The following HOMER1 variants were observed in gnomAD, a reference collection of about 807,000 sequenced individuals.
HOMER1 encodes homer scaffold protein 1.
HOMER1 carries 3 observed loss-of-function variants against 48.9 expected under a neutral mutation model. That is an observed-to-expected ratio of 0.06 (90% CI 0.03 to 0.16). HOMER1 has a LOEUF of 0.16. Ranked by LOEUF, HOMER1 falls within the 10% of genes least tolerant of loss-of-function variation. The probability of loss-of-function intolerance (pLI) is 1.00; values close to 1 mark genes in which losing one functional copy is unlikely to be tolerated. For synonymous variants in HOMER1, 134 were observed against 146.4 expected, an observed-to-expected ratio of 0.92 and a Z score of 0.61; for missense variants, 247 against 411.4, an observed-to-expected ratio of 0.60 and a Z score of 3.46.
Position 79,483,795 on chromosome 5 carries a change from C to T in HOMER1, c.6-26777G>A, listed in dbSNP as rs555609875. Among the ~76,000 whole-genome samples, 17 of 149,074 alleles carry T rather than the reference C, an allele frequency of 1.1e-4. No individual in the cohort carries two copies. The East Asian group carries it at 3.3e-3, about 29-fold the overall frequency. Reference sequence around the variant, plus strand: ...AGTGGCCGGGTGTGGTGGCTCACGCCGGTAATCCCAGCACTTTGGGAGGCC... The same window carrying T: ...AGTGGCCGGGTGTGGTGGCTCACGCTGGTAATCCCAGCACTTTGGGAGGCC... On this transcript the variant is annotated intron_variant, in intron 1 of 8. Coordinates refer to ENST00000334082, the MANE Select transcript of HOMER1 (RefSeq NM_004272.5).
intron 5 of HOMER1, among the ~76,000 whole-genome samples, chr5:79,430,078 T>C: frequency 6.8e-6 from 1 of 146,312 alleles, no homozygotes; most frequent in East Asian, 2.0e-4. Flanking sequence ...AAAAAAATAG[T>C]GAAAACACAA....
At chr5:79,450,931 A>G (rs941040306) in intron 3 of HOMER1, 59 bp downstream of exon 3, 5 of 1,521,620 alleles carry the variant, frequency 3.3e-6, no homozygotes, top group African/African-American at 1.4e-5. Flanking sequence ...GGTATTATAT[A>G]TTTAAGATAT....
At chr5:79,417,525 G>A (rs539759142) in intron 5 of HOMER1, among the ~76,000 whole-genome samples, 1 of 152,282 alleles carries the variant, frequency 6.6e-6, no homozygotes, top group East Asian at 1.9e-4. Flanking sequence ...CTATTCCACA[G>A]TGGGATGTCT....
At chr5:79,377,006 C>T (rs1007696923) in intron 8 of HOMER1, among the ~76,000 whole-genome samples, 1 of 152,054 alleles carries the variant, frequency 6.6e-6, no homozygotes, top group Non-Finnish European at 1.5e-5. Flanking sequence ...CACTCTGTCC[C>T]CCAGGATGGA....
chr5:79,473,080 C>A (rs546145658), intron 1 of HOMER1, among the ~76,000 whole-genome samples: 17 of 152,300 alleles, frequency 1.1e-4, no homozygotes, highest in Admixed American at 1.0e-3. Context: ...GGAAGCCAAT[C>A]ATCTAAAGCT....
chr5:79,466,793 T>C (rs73122380), intron 1 of HOMER1, among the ~76,000 whole-genome samples: 10,447 of 152,054 alleles, frequency 0.069, 412 homozygotes, highest in Middle Eastern at 0.11. Flanking sequence ...ATCCAGTTCT[T>C]AAAAACTATT....
rs935558317 is a variant in HOMER1, at chr5:79,514,064, CGGCT to C, written c.-1294_-1291del. The C allele has an allele frequency of 1.3e-5, 2 of 152,286 alleles. No homozygotes were observed. Among genetic ancestry groups the C allele is most frequent in the South Asian group, 2.0e-4 (1 of 4,910 alleles). 9.4% of individuals were successfully genotyped at this position (152,286 alleles called of 1,614,324 possible). ...GCTGCCTCCGCCTCCGCCGGCCGGC[CGGCT>C]GGCAGAGAAGAGGGTGCTGCTTTCC... On this transcript the variant is annotated 5_prime_UTR_variant, in exon 1 of 9. Transcript: ENST00000334082.
chr5:79,476,183 C>T (rs142114580), intron 1 of HOMER1, among the ~76,000 whole-genome samples: 1 of 152,190 alleles, frequency 6.6e-6, no homozygotes, highest in South Asian at 2.1e-4. Context: ...CTCCTTTCCA[C>T]ATCTCTTCCA....
At chr5:79,475,442 T>TC (rs543575921) in intron 1 of HOMER1, among the ~76,000 whole-genome samples, 27 of 151,730 alleles carry the variant, frequency 1.8e-4, no homozygotes, top group Non-Finnish European at 3.8e-4. Flanking sequence ...TTTTTTTTTT[T>TC]TTTTTGCACC....
chr5:79,436,431 T>G (rs1422493881), intron 5 of HOMER1, among the ~76,000 whole-genome samples: 2 of 152,226 alleles, frequency 1.3e-5, no homozygotes, highest in Non-Finnish European at 2.9e-5. Flanking sequence ...AGCTGAGTTG[T>G]AGACTCACAG....
At chr5:79,452,920 T>A (rs4235711) in intron 2 of HOMER1, among the ~76,000 whole-genome samples, 3 of 152,190 alleles carry the variant, frequency 2.0e-5, no homozygotes, top group African/African-American at 7.2e-5. Flanking sequence ...TGGCATCAAA[T>A]GAAGTCATCA....
At chr5:79,500,928 T>G (rs1461947554) in intron 1 of HOMER1, among the ~76,000 whole-genome samples, 1 of 32,244 alleles carries the variant, frequency 3.1e-5, no homozygotes, top group Non-Finnish European at 4.3e-5. Flanking sequence ...CCCAGCCATT[T>G]GTGTGTGTGT....
intron 3 of HOMER1, among the ~76,000 whole-genome samples, chr5:79,449,626 C>A (rs564784140): frequency 6.6e-6 from 1 of 152,112 alleles, no homozygotes. Flanking sequence ...GTGTGTGCCA[C>A]CACACCCAGC....
At chr5:79,432,901 C>T (rs1377708902) in intron 5 of HOMER1, among the ~76,000 whole-genome samples, 1 of 152,066 alleles carries the variant, frequency 6.6e-6, no homozygotes, top group Non-Finnish European at 1.5e-5. Flanking sequence ...ATATTCCTTG[C>T]CTTCAAATTA....
At chr5:79,468,012 G>C (rs960115926) in intron 1 of HOMER1, among the ~76,000 whole-genome samples, 1 of 152,112 alleles carries the variant, frequency 6.6e-6, no homozygotes, top group East Asian at 1.9e-4. Flanking sequence ...GGGCTCATGC[G>C]ATCCTCTCAC....
At chr5:79,397,449 TTTTAAA>T in intron 7 of HOMER1, 72 bp downstream of exon 7, 2 of 936,604 alleles carry the variant, frequency 2.1e-6, no homozygotes, top group Non-Finnish European at 3.4e-6. Context: ...CATAAAATAC[TTTTAAA>T]TTTGACATGG....
chr5:79,487,911 G>C (rs1211635001), intron 1 of HOMER1, among the ~76,000 whole-genome samples: 1 of 152,120 alleles, frequency 6.6e-6, no homozygotes, highest in Non-Finnish European at 1.5e-5. Flanking sequence ...ATAATCTAGA[G>C]AGGTGCAGGC....
chr5:79,504,212 T>C (rs1752685822), intron 1 of HOMER1, among the ~76,000 whole-genome samples: 1 of 151,504 alleles, frequency 6.6e-6, no homozygotes, highest in South Asian at 2.1e-4. Context: ...GACTTGGGAG[T>C]AGTCCCACTG....
chr5:79,468,166 T>A (rs946178497), intron 1 of HOMER1, among the ~76,000 whole-genome samples: 1 of 152,318 alleles, frequency 6.6e-6, no homozygotes, highest in South Asian at 2.1e-4. Context: ...CCACTACGCA[T>A]GTGAAATTCA....
Sources: allele counts gnomAD v4.1 joint callset (sites outside exome capture counted in the v4.1 genomes callset), GRCh38; gene constraint gnomAD v4.1.1; transcripts MANE v1.5; gene names NCBI Gene and HGNC (gene_info 2026-07-23, HGNC 2026-07-21).